The following MEGF11 variants were observed in gnomAD, a reference collection of about 807,000 sequenced individuals.
The protein encoded by MEGF11 is multiple EGF like domains 11.
In MEGF11, 126 loss-of-function variants were observed where a neutral mutation model predicts 146.6. The ratio of observed to expected loss-of-function variants is 0.86; its 90% CI spans 0.74 to 1.00. The LOEUF (loss-of-function observed/expected upper bound fraction) is 1.00. Ranked by LOEUF, MEGF11 falls within the 50% of genes least tolerant of loss-of-function variation. MEGF11 has a pLI of 0.00. For missense variants in MEGF11, 1,509 were observed against 1,521.2 expected, an observed-to-expected ratio of 0.99 and a Z score of 0.13; for synonymous variants, 532 against 583.4, an observed-to-expected ratio of 0.91 and a Z score of 1.27.
chr15:66,002,722 G>T (rs2082402602), intron 5 of MEGF11, among the ~76,000 whole-genome samples: 1 of 152,200 alleles, frequency 6.6e-6, no homozygotes, highest in Non-Finnish European at 1.5e-5. Context: ...TAGCAATTAT[G>T]ATTATGAAGG....
intron 3 of MEGF11, among the ~76,000 whole-genome samples, chr15:66,120,346 AG>A (rs1429226257): frequency 6.6e-6 from 1 of 152,218 alleles, no homozygotes; most frequent in Non-Finnish European, 1.5e-5. Context: ...GACCTGCCCA[AG>A]GTCATGGAGT....
At chr15:65,967,760 T>C (rs1337652734) in intron 8 of MEGF11, among the ~76,000 whole-genome samples, 2 of 152,124 alleles carry the variant, frequency 1.3e-5, no homozygotes, top group Non-Finnish European at 2.9e-5. Flanking sequence ...CCTTGAGTGC[T>C]TCCTTCCCAA....
chr15:66,037,680 T>C (rs1462557246), intron 5 of MEGF11, among the ~76,000 whole-genome samples: 1 of 152,094 alleles, frequency 6.6e-6, no homozygotes, highest in Non-Finnish European at 1.5e-5. Flanking sequence ...TCAGAACAGG[T>C]CTCTCCCACC....
chr15:66,080,574 C>A (rs11634212), intron 5 of MEGF11, among the ~76,000 whole-genome samples: 17 of 152,020 alleles, frequency 1.1e-4, no homozygotes, highest in Non-Finnish European at 2.2e-4. Flanking sequence ...TGGTCCTGAA[C>A]CCTGGGCACT....
chr15:66,219,238 C>T (rs1292231462), intron 1 of MEGF11, among the ~76,000 whole-genome samples: 1 of 152,132 alleles, frequency 6.6e-6, no homozygotes, highest in Non-Finnish European at 1.5e-5. Flanking sequence ...ATTAAGTGCT[C>T]TGCAAAAGAC....
chr15:65,965,475 A>G lies in MEGF11; in HGVS notation c.900-355T>C, dbSNP rs867741236. 264 of 218,758 alleles carry G rather than the reference A, an allele frequency of 1.2e-3. 4 individuals are homozygous for G. The highest frequency in any genetic ancestry group is 3.0e-4 in the Non-Finnish European group (34 of 112,412). The allele number at this position is 218,758 out of a possible 1,614,324, so 13.6% of individuals were successfully genotyped here. A position where few individuals can be genotyped will look rare whatever the true frequency, so the allele number is the denominator to read the frequency against. On this transcript the variant is annotated intron_variant, in intron 8 of 25. Coordinates refer to ENST00000395614, the MANE Select transcript of MEGF11 (RefSeq NM_001385028.1). The stretch of plus-strand genomic sequence containing the variant: ...AATTCTCATTGAAACTTAACACCCA[A>G]TGCAATGGTATTAGGAGGTGTGGCC...
At chr15:65,945,919 G>GT (rs2080176146) in intron 10 of MEGF11, among the ~76,000 whole-genome samples, 1 of 152,194 alleles carries the variant, frequency 6.6e-6, no homozygotes, top group Non-Finnish European at 1.5e-5. Context: ...TGACTATTGG[G>GT]TTCAGGTCTT....
At chr15:66,044,003 GA>G (rs2084097374) in intron 5 of MEGF11, among the ~76,000 whole-genome samples, 1 of 152,170 alleles carries the variant, frequency 6.6e-6, no homozygotes, top group Admixed American at 6.5e-5. Flanking sequence ...AACAAAAACT[GA>G]AAAGATGCAA....
At chr15:65,992,284 G>A (rs948207274) in intron 5 of MEGF11, among the ~76,000 whole-genome samples, 12 of 152,148 alleles carry the variant, frequency 7.9e-5, no homozygotes, top group Admixed American at 1.3e-4. Flanking sequence ...TTTTATCAGA[G>A]CCGGGCATCT....
intron 25 of MEGF11, 153 bp from the exon 26 acceptor site, chr15:65,898,247 G>A (rs1489168005): frequency 1.0e-6 from 1 of 985,402 alleles, no homozygotes; most frequent in Non-Finnish European, 1.2e-6. Flanking sequence ...GCTTGCTCAG[G>A]AGATGGAAAA....
chr15:66,210,601 G>GGTGGAAT (rs1313500436), intron 1 of MEGF11, among the ~76,000 whole-genome samples: 1 of 152,176 alleles, frequency 6.6e-6, no homozygotes, highest in African/African-American at 2.4e-5. Context: ...AGGAAGCATG[G>GGTGGAAT]GTGGAATGAT....
intron 1 of MEGF11, among the ~76,000 whole-genome samples, chr15:66,156,694 G>A (rs2089772759): frequency 6.6e-6 from 1 of 152,082 alleles, no homozygotes; most frequent in Non-Finnish European, 1.5e-5. Context: ...CGTTAACCAG[G>A]GCTAGACACT....
At chr15:66,114,795 C>A (rs937586658) in intron 4 of MEGF11, among the ~76,000 whole-genome samples, 4 of 152,146 alleles carry the variant, frequency 2.6e-5, no homozygotes, top group African/African-American at 4.8e-5. Flanking sequence ...TGGGTGGGAA[C>A]CTCTGGTACG....
At chr15:65,961,810 G>T (rs762366846) in intron 9 of MEGF11, among the ~76,000 whole-genome samples, 1 of 152,162 alleles carries the variant, frequency 6.6e-6, no homozygotes, top group Non-Finnish European at 1.5e-5. Flanking sequence ...GTTGTGGTGG[G>T]GGCTTTGTTG....
chr15:65,922,471 G>T lies in MEGF11; in HGVS notation c.1824C>A (p.Ile608=). The T allele has an allele frequency of 1.3e-6, 2 of 1,564,980 alleles. No homozygotes were observed. Among genetic ancestry groups the T allele is most frequent in the Non-Finnish European group, 1.7e-6 (2 of 1,155,590 alleles). The change falls in exon 15 of 26, where the codon ATC becomes ATA. Residue 608 remains isoleucine, a splice_region_variant and synonymous_variant. Coordinates refer to ENST00000395614, the MANE Select transcript of MEGF11 (RefSeq NM_001385028.1). ...PGFRGPLCQR[I]CPPGFYGHGC... ...CGTGGCCATAGAACCCAGGGGGGCA[G>T]ACTGAGGGTGAAGGGAAGATGGTGG...
chr15:66,012,725 CT>C (rs1209083805), intron 5 of MEGF11, among the ~76,000 whole-genome samples: 1 of 152,220 alleles, frequency 6.6e-6, no homozygotes, highest in Non-Finnish European at 1.5e-5. Context: ...CCCACAAGCC[CT>C]AAACTGGGCC....
At chr15:66,220,390 A>AT (rs1003805161) in intron 1 of MEGF11, among the ~76,000 whole-genome samples, 1 of 151,994 alleles carries the variant, frequency 6.6e-6, no homozygotes, top group Admixed American at 6.5e-5. Context: ...GTCTCGAGAG[A>AT]TTACTGTATG....
chr15:66,156,119 G>A (rs551285616), intron 1 of MEGF11, among the ~76,000 whole-genome samples: 15 of 152,238 alleles, frequency 9.9e-5, no homozygotes, highest in African/African-American at 3.4e-4. Context: ...AATGTGGCCT[G>A]GAGTCCCAAA....
chr15:66,137,450 A>G (rs959259525), intron 1 of MEGF11, among the ~76,000 whole-genome samples: 12 of 152,236 alleles, frequency 7.9e-5, no homozygotes, highest in Non-Finnish European at 2.9e-5. Context: ...GCACGGGCAT[A>G]CGGTGTGCGT....
Sources: gnomAD v4.1 joint callset for allele counts (sites outside exome capture counted in the v4.1 genomes callset) on GRCh38, gnomAD v4.1.1 for gene constraint, MANE v1.5 for transcripts, NCBI Gene and HGNC (gene_info 2026-07-23, HGNC 2026-07-21) for gene names.